The following ACOXL variants were observed in gnomAD, a reference collection of about 807,000 sequenced individuals.
ACOXL encodes the protein acyl-CoA oxidase like.
Under a neutral mutation model 71.9 loss-of-function variants are expected in ACOXL, and 70 were observed. That is an observed-to-expected ratio of 0.97 (90% CI 0.80 to 1.19). The LOEUF (loss-of-function observed/expected upper bound fraction) is 1.19, where lower values mean the gene tolerates loss of function less well. Ranked by LOEUF, ACOXL falls within the 50% of genes most tolerant of loss-of-function variation. The pLI, the probability that ACOXL is intolerant of heterozygous loss-of-function variation, is 0.00. For synonymous variants in ACOXL, 253 were observed against 281.6 expected, an observed-to-expected ratio of 0.90 and a Z score of 1.02; for missense variants, 703 against 736.3, an observed-to-expected ratio of 0.95 and a Z score of 0.52.
intron 10 of ACOXL, among the ~76,000 whole-genome samples, chr2:110,842,467 T>C (rs1032049207): frequency 6.6e-6 from 1 of 152,208 alleles, no homozygotes; most frequent in African/African-American, 2.4e-5. Context: ...AGCATGCACA[T>C]TTATTTAATA....
At position 111,092,387 on chromosome 2, in the gene ACOXL, A is replaced by T. The variant is rs528370719; in HGVS notation, c.1441-478A>T. Reference sequence around the variant, plus strand: ...TCAGAAACATAATAGGAAAAAACATACTGAAACAAAATGTAAATGAGGAAT... The same window carrying T: ...TCAGAAACATAATAGGAAAAAACATTCTGAAACAAAATGTAAATGAGGAAT... On this transcript the variant is annotated intron_variant, in intron 16 of 17. Transcript: ENST00000439055. 2.6e-5 allele frequency among the ~76,000 whole-genome samples: 4 copies of T among 152,328 alleles called. No individual in the cohort carries two copies. In the South Asian group the frequency reaches 8.3e-4, roughly 32 times the overall value.
intron 11 of ACOXL, among the ~76,000 whole-genome samples, chr2:110,924,654 T>C (rs1374993624): frequency 2.0e-5 from 3 of 152,084 alleles, no homozygotes; most frequent in Non-Finnish European, 4.4e-5. Context: ...CTAATTATCG[T>C]TCTCTTGCTG....
Position 110,941,499 on chromosome 2 carries a change from CTGG to C in ACOXL, c.1059+7858_1059+7860del, listed in dbSNP as rs534532059. Among the ~76,000 whole-genome samples, 3 of 152,274 alleles carry C rather than the reference CTGG, an allele frequency of 2.0e-5. No homozygotes were observed. In the South Asian group the frequency reaches 6.2e-4, roughly 32 times the overall value. On this transcript the variant is annotated intron_variant, in intron 12 of 17. Transcript: ENST00000439055. ...CTGTTTGTTAGAAAAAAAATTATTT[CTGG>C]GGCTGTTTTTGTTAGAAGGGAAGTT...
chr2:110,763,196 A>G (rs1025628780), intron 1 of ACOXL, among the ~76,000 whole-genome samples: 5 of 152,216 alleles, frequency 3.3e-5, no homozygotes, highest in African/African-American at 9.6e-5. Context: ...TTTAAAGCCT[A>G]TAAGGAGAGA....
At chr2:110,763,970 A>G (rs780812794) in intron 1 of ACOXL, among the ~76,000 whole-genome samples, 3 of 152,256 alleles carry the variant, frequency 2.0e-5, no homozygotes, top group Non-Finnish European at 2.9e-5. Flanking sequence ...CATTAGGGCT[A>G]CACACATTAA....
At chr2:110,787,773 C>G (rs1486027583) in intron 3 of ACOXL, among the ~76,000 whole-genome samples, 1 of 152,038 alleles carries the variant, frequency 6.6e-6, no homozygotes, top group Non-Finnish European at 1.5e-5. Flanking sequence ...CTTTCCCCTC[C>G]TTCTCCTGGC....
At chr2:111,026,536 T>C (rs2065024399) in intron 14 of ACOXL, among the ~76,000 whole-genome samples, 1 of 149,896 alleles carries the variant, frequency 6.7e-6, no homozygotes, top group Non-Finnish European at 1.5e-5. Flanking sequence ...AAATATAAAA[T>C]ATATTTTATA....
intron 10 of ACOXL, among the ~76,000 whole-genome samples, chr2:110,888,206 C>A (rs1697536309): frequency 6.6e-6 from 1 of 152,152 alleles, no homozygotes; most frequent in Admixed American, 6.5e-5. Context: ...GGTCGTATAC[C>A]ATCACGAAAT....
At chr2:110,792,826 C>T (rs1041721734) in intron 3 of ACOXL, among the ~76,000 whole-genome samples, 2 of 152,082 alleles carry the variant, frequency 1.3e-5, no homozygotes, top group African/African-American at 4.8e-5. Context: ...AAAAAACCCA[C>T]AAAAGGCCAA....
At chr2:110,863,798 C>T (rs1187254648) in intron 10 of ACOXL, among the ~76,000 whole-genome samples, 2 of 152,186 alleles carry the variant, frequency 1.3e-5, no homozygotes, top group Non-Finnish European at 2.9e-5. Flanking sequence ...TTATTTGGGT[C>T]CTTCGTTTTG....
rs1239650576 is a variant in ACOXL, at chr2:110,850,607, A to G, written c.788+9202A>G. Among the ~76,000 whole-genome samples, 5 of 152,332 alleles carry G rather than the reference A, an allele frequency of 3.3e-5. No homozygotes were observed. The East Asian group carries it at 9.7e-4, about 29-fold the overall frequency. ...ATGGCTTAAAACTTCAATACCATCA[A>G]ATTGACCCTCATCAAAACTTCCCAA... On this transcript the variant is annotated intron_variant, in intron 10 of 17. Coordinates refer to ENST00000439055, the MANE Select transcript of ACOXL (RefSeq NM_001142807.4).
intron 14 of ACOXL, among the ~76,000 whole-genome samples, chr2:111,014,908 T>C (rs1264176401): frequency 6.6e-6 from 1 of 152,216 alleles, no homozygotes; most frequent in Non-Finnish European, 1.5e-5. Context: ...CATCTAGATA[T>C]CTGAAGGAAA....
At chr2:110,998,491 A>G (rs545919869) in intron 14 of ACOXL, among the ~76,000 whole-genome samples, 1 of 152,338 alleles carries the variant, frequency 6.6e-6, no homozygotes, top group East Asian at 1.9e-4. Flanking sequence ...AGCTGTTTAA[A>G]AAGTTCCCAC....
intron 16 of ACOXL, among the ~76,000 whole-genome samples, chr2:111,074,362 C>T (rs908454320): frequency 1.3e-5 from 2 of 151,854 alleles, no homozygotes; most frequent in African/African-American, 2.4e-5. Context: ...AAGTGTTCAG[C>T]CTTTTGCAAC....
At position 111,117,837 on chromosome 2, in the gene ACOXL, G is replaced by A. The variant is rs112884374; in HGVS notation, c.*21G>A. 6.5e-7 allele frequency: 1 copy of A among 1,537,408 alleles called. No individual in the cohort carries two copies. Among genetic ancestry groups the A allele is most frequent in the East Asian group, 2.5e-5 (1 of 40,724 alleles). ...TCTAACGGGTGTGGCGGGAAGTGTG[G>A]TGGCCCGCCAGCAGCTGCCACGACG... On this transcript the variant is annotated 3_prime_UTR_variant, in exon 18 of 18. Coordinates refer to ENST00000439055, the MANE Select transcript of ACOXL (RefSeq NM_001142807.4).
chr2:110,986,143 C>G (rs771746214), intron 12 of ACOXL, among the ~76,000 whole-genome samples: 1 of 152,024 alleles, frequency 6.6e-6, no homozygotes, highest in Non-Finnish European at 1.5e-5. Flanking sequence ...CAAAAGTATA[C>G]GGTTAGTAAA....
intron 12 of ACOXL, among the ~76,000 whole-genome samples, chr2:110,985,040 T>TA (rs1295146702): frequency 1.3e-5 from 2 of 152,218 alleles, no homozygotes; most frequent in Non-Finnish European, 2.9e-5. Flanking sequence ...AATTTGTTCA[T>TA]ACTTGGAGTG....
At chr2:110,840,263 C>G in intron 9 of ACOXL, among the ~76,000 whole-genome samples, 1 of 152,152 alleles carries the variant, frequency 6.6e-6, no homozygotes, top group East Asian at 2.0e-4. Context: ...CATGTTTGAC[C>G]TGGTCATCAC....
chr2:111,042,520 T>C (rs1355195304), intron 15 of ACOXL, among the ~76,000 whole-genome samples: 1 of 152,006 alleles, frequency 6.6e-6, no homozygotes, highest in East Asian at 1.9e-4. Flanking sequence ...GAAGAAGCCA[T>C]AGAGTGGACA....
Sources: allele counts gnomAD v4.1 joint callset (sites outside exome capture counted in the v4.1 genomes callset), GRCh38; gene constraint gnomAD v4.1.1; transcripts MANE v1.5; gene names NCBI Gene and HGNC (gene_info 2026-07-23, HGNC 2026-07-21).